Variants in SLC35F2 observed in about 807,000 individuals in gnomAD.
The protein encoded by SLC35F2 is queuine/queuosine transporter SLC35F2.
In SLC35F2, 25 loss-of-function variants were observed where a neutral mutation model predicts 38.1. The ratio of observed to expected loss-of-function variants is 0.66; its 90% confidence interval spans 0.48 to 0.92. SLC35F2 has a LOEUF of 0.92. SLC35F2 is among the 40% of genes least tolerant of loss of function. The pLI is 0.00. For synonymous variants in SLC35F2, 173 were observed against 181.7 expected (o/e 0.95, Z 0.38); for missense variants, 409 against 452.9 (o/e 0.90, Z 0.88).
At chr11:107,814,345 C>CT (rs1249782295) in intron 2 of SLC35F2, among the ~76,000 whole-genome samples, 2 of 151,630 alleles carry the variant, frequency 1.3e-5, no homozygotes, top group African/African-American at 2.4e-5. Flanking sequence ...ATCCCAGCTA[C>CT]TAGGGAGGCT....
chr11:107,845,910 G>A (rs752818161), intron 1 of SLC35F2, among the ~76,000 whole-genome samples: 16 of 151,570 alleles, frequency 1.1e-4, no homozygotes, highest in South Asian at 2.1e-4. Flanking sequence ...CCAAGATCGC[G>A]CCGTTGCACT....
chr11:107,798,375 T>C (rs1263084267), intron 7 of SLC35F2, among the ~76,000 whole-genome samples: 1 of 152,218 alleles, frequency 6.6e-6, no homozygotes, highest in African/African-American at 2.4e-5. Flanking sequence ...AAAACACCTA[T>C]ATAACTTGTT....
At position 107,814,882 on chromosome 11, in the gene SLC35F2, G is replaced by A. The variant is rs2134791411; in HGVS notation, c.286+908C>T. 1.3e-5 allele frequency among the ~76,000 whole-genome samples: 2 copies of A among 152,264 alleles called. 1 individual carries two copies. The highest frequency in any genetic ancestry group is 4.1e-4 in the South Asian group (2 of 4,822). ...GGAGGGCAAGGCAGGTGAATCACTT[G>A]AGGTTAGGAGCAAGGTAAGACCCGG... On this transcript the variant is annotated intron_variant, in intron 2 of 7. Coordinates refer to ENST00000525815, the MANE Select transcript of SLC35F2 (RefSeq NM_017515.5).
At chr11:107,807,057 G>A (rs1859403818) in intron 3 of SLC35F2, among the ~76,000 whole-genome samples, 181 bp from the exon 4 acceptor site, 1 of 152,026 alleles carries the variant, frequency 6.6e-6, no homozygotes, top group Non-Finnish European at 1.5e-5. Flanking sequence ...ACAATTCCAT[G>A]AGACTGAAAT....
rs370068644 is a variant in SLC35F2 at position 107,803,144 on chromosome 11, C to T, written c.796G>A (p.Val266Met). 82 of 1,607,278 alleles carry T rather than the reference C, an allele frequency of 5.1e-5. 1 individual carries two copies. In the South Asian group the frequency reaches 6.2e-4, roughly 12 times the overall value. The change falls in exon 7 of 8, where the codon GTG becomes ATG. Residue 266 changes from valine to methionine, a missense_variant. By Grantham distance (21) the Val-to-Met change is conservative (BLOSUM62 1). Coordinates refer to ENST00000525815, the MANE Select transcript of SLC35F2 (RefSeq NM_017515.5). ...HWDWKIALLF[V>M]AFALCMFCLY... ...CAAAACATACACAGGGCAAATGCCA[C>T]GAACAGCAGGGCTGTGGAAAAAAAC...
chr11:107,826,363 G>A (rs190434495), intron 1 of SLC35F2, among the ~76,000 whole-genome samples: 78 of 150,532 alleles, frequency 5.2e-4, no homozygotes, highest in Non-Finnish European at 1.1e-3. Context: ...CACAACCTCC[G>A]CTTCCCAAGT....
intron 1 of SLC35F2, among the ~76,000 whole-genome samples, chr11:107,830,399 C>A (rs1369244182): frequency 6.6e-6 from 1 of 151,934 alleles, no homozygotes; most frequent in Non-Finnish European, 1.5e-5. Context: ...TCCTGGCCAA[C>A]ATGGTGAAAC....
chr11:107,852,565 A>T (rs1035486845), intron 1 of SLC35F2, among the ~76,000 whole-genome samples: 2 of 149,916 alleles, frequency 1.3e-5, no homozygotes, highest in Admixed American at 6.6e-5. Context: ...AAAAAAAAAA[A>T]ATACAAAATA....
rs895697417 is a variant in SLC35F2 at position 107,794,322 on chromosome 11, G to A, written c.940-1522C>T. On this transcript the variant is annotated intron_variant, in intron 7 of 7. Coordinates refer to ENST00000525815, the MANE Select transcript of SLC35F2 (RefSeq NM_017515.5). ...TCTCGAACACCAGACCTTGTGATCC[G>A]CTCGCCTTGGCCTCCCAAAGTGCTG... is the stretch of plus-strand genomic sequence containing the variant. Among the ~76,000 whole-genome samples, 6 of 152,174 alleles carry A rather than the reference G, an allele frequency of 3.9e-5. No homozygotes were observed. In the East Asian group the frequency reaches 5.8e-4, roughly 15 times the overall value.
chr11:107,856,311 G>T (rs1860280623), intron 1 of SLC35F2, among the ~76,000 whole-genome samples: 1 of 152,164 alleles, frequency 6.6e-6, no homozygotes, highest in Non-Finnish European at 1.5e-5. Context: ...ACTGAAAGGA[G>T]CCAGGCTCTG....
rs374635369 is a variant in SLC35F2, at chr11:107,805,347, G to A, written c.731+12C>T. ...CTTATTTTGTCTTTAGAAAAAAATT[G>A]TAGAATCTTACAGCTGTATACCACT... On this transcript the variant is annotated intron_variant, in intron 5 of 7. Transcript: ENST00000525815. The A allele has an allele frequency of 6.9e-6, 11 of 1,584,964 alleles. No individual in the cohort carries two copies. Among genetic ancestry groups the A allele is most frequent in the African/African-American group, 1.4e-5 (1 of 73,016 alleles).
At chr11:107,830,352 G>A (rs1048950890) in intron 1 of SLC35F2, among the ~76,000 whole-genome samples, 1 of 152,016 alleles carries the variant, frequency 6.6e-6, no homozygotes, top group African/African-American at 2.4e-5. Flanking sequence ...GTGGGAGGCC[G>A]AGGCGGGCAG....
chr11:107,840,465 G>C lies in SLC35F2; in HGVS notation c.110+18193C>G, dbSNP rs78429281. Among the ~76,000 whole-genome samples, 301 of 152,288 alleles carry C rather than the reference G, an allele frequency of 2.0e-3. 15 individuals carry two copies. The East Asian group carries it at 0.052, about 26-fold the overall frequency. On this transcript the variant is annotated intron_variant, in intron 1 of 7. Transcript: ENST00000525815. ...GGCAGAACAGAAGGTTCTGAAGGAC[G>C]ATTCTCTTTAACTATTGTAAAAACT...
In SLC35F2 at chr11:107,833,461, G is replaced by A. The variant is rs1038203172; in HGVS notation, c.111-17496C>T. ...TTGAACCTGGGAGGCAGAGGTTGCC[G>A]TGAACCAAGATCACACCACTGCATT... is the stretch of plus-strand genomic sequence containing the variant. On this transcript the variant is annotated intron_variant, in intron 1 of 7. Coordinates refer to ENST00000525815, the MANE Select transcript of SLC35F2 (RefSeq NM_017515.5). 1.4e-4 allele frequency among the ~76,000 whole-genome samples: 21 copies of A among 148,512 alleles called. 1 individual carries two copies. The highest frequency in any genetic ancestry group is 4.7e-4 in the African/African-American group (19 of 40,030).
chr11:107,847,629 A>C (rs1029886174), intron 1 of SLC35F2, among the ~76,000 whole-genome samples: 1 of 152,218 alleles, frequency 6.6e-6, no homozygotes, highest in Admixed American at 6.5e-5. Context: ...TGATAATTAT[A>C]CTTAACATTA....
intron 1 of SLC35F2, among the ~76,000 whole-genome samples, chr11:107,834,758 A>C (rs1419134277): frequency 6.6e-6 from 1 of 152,206 alleles, no homozygotes; most frequent in African/African-American, 2.4e-5. Flanking sequence ...ACTTTATCTG[A>C]TCATATATAC....
At chr11:107,849,347 T>C (rs941112787) in intron 1 of SLC35F2, among the ~76,000 whole-genome samples, 4 of 152,146 alleles carry the variant, frequency 2.6e-5, no homozygotes, top group East Asian at 3.9e-4. Context: ...TTAGTCACAA[T>C]AGGGATTGAG....
intron 1 of SLC35F2, among the ~76,000 whole-genome samples, chr11:107,853,891 T>G (rs548048236): frequency 4.6e-5 from 7 of 151,670 alleles, no homozygotes; most frequent in African/African-American, 1.7e-4. Flanking sequence ...AGATATAAAG[T>G]TGATGGTTGT....
At chr11:107,811,545 C>T in intron 3 of SLC35F2, 122 bp downstream of exon 3, 1 of 893,558 alleles carries the variant, frequency 1.1e-6, no homozygotes, top group Non-Finnish European at 1.7e-6. Flanking sequence ...AAAACAGCAT[C>T]CACCTGTGTT....
Sources: gnomAD v4.1 joint callset for allele counts (sites outside exome capture counted in the v4.1 genomes callset) on GRCh38, gnomAD v4.1.1 for gene constraint, MANE v1.5 for transcripts, NCBI Gene and HGNC (gene_info 2026-07-23, HGNC 2026-07-21) for gene names.